ARHGAP15: variants seen among roughly 807,000 people sequenced by gnomAD.
ARHGAP15 encodes the protein rho GTPase-activating protein 15.
Under a neutral mutation model 63.7 loss-of-function variants are expected in ARHGAP15, and 51 were observed. The observed-to-expected ratio is 0.80, with a 90% confidence interval of 0.64 to 1.01. The LOEUF (loss-of-function observed/expected upper bound fraction) is 1.01, where lower values mean the gene tolerates loss of function less well. Ranked by LOEUF, ARHGAP15 falls within the 50% of genes least tolerant of loss-of-function variation. The probability of loss-of-function intolerance (pLI) is 0.00; values close to 1 mark genes in which losing one functional copy is unlikely to be tolerated. For synonymous variants in ARHGAP15, 191 were observed against 193.8 expected, an observed-to-expected ratio of 0.99 and a Z score of 0.12; for missense variants, 560 against 564.6, an observed-to-expected ratio of 0.99 and a Z score of 0.08.
chr2:143,170,892 G>T (rs148600182), intron 2 of ARHGAP15, among the ~76,000 whole-genome samples: 1 of 152,038 alleles, frequency 6.6e-6, no homozygotes, highest in Non-Finnish European at 1.5e-5. Flanking sequence ...TGAAGACTCC[G>T]TGAAGTCAGA....
chr2:143,139,163 C>A (rs1182958674), intron 1 of ARHGAP15, among the ~76,000 whole-genome samples: 1 of 152,052 alleles, frequency 6.6e-6, no homozygotes, highest in Non-Finnish European at 1.5e-5. Context: ...ATCCCATCAG[C>A]AGGTTAAACT....
In ARHGAP15 at chr2:143,365,460, G is replaced by A. The variant is rs755567219; in HGVS notation, c.475-70141G>A. ...TCTGGTGGATAGTTTGTGTGACAAT[G>A]CTGATCCCTCTATTTGCACATTGCC... On this transcript the variant is annotated intron_variant, in intron 6 of 13. Coordinates refer to ENST00000295095, the MANE Select transcript of ARHGAP15 (RefSeq NM_018460.4). Among the ~76,000 whole-genome samples the A allele has an allele frequency of 2.0e-5, 3 of 152,158 alleles. No individual in the cohort carries two copies. The East Asian group carries it at 5.8e-4, about 29-fold the overall frequency.
intron 6 of ARHGAP15, among the ~76,000 whole-genome samples, chr2:143,327,908 CAAA>C (rs201067319): frequency 1.0e-4 from 15 of 144,814 alleles, no homozygotes; most frequent in African/African-American, 2.7e-4. Flanking sequence ...ATTTACAAGA[CAAA>C]AAAAAAAAAT....
chr2:143,337,091 G>A lies in ARHGAP15; in HGVS notation c.474+86491G>A, dbSNP rs187114392. On this transcript the variant is annotated intron_variant, in intron 6 of 13. Coordinates refer to ENST00000295095, the MANE Select transcript of ARHGAP15 (RefSeq NM_018460.4). ...AGGAGGACAGAGGGAGGGAGTTTTC[G>A]GTGAGGTGGAAAGGGCAGAAGGTGG... Among the ~76,000 whole-genome samples, 25 of 152,134 alleles carry A rather than the reference G, an allele frequency of 1.6e-4. No individual in the cohort carries two copies. The East Asian group carries it at 3.3e-3, about 20-fold the overall frequency.
intron 6 of ARHGAP15, among the ~76,000 whole-genome samples, chr2:143,368,871 T>G (rs1245567357): frequency 6.6e-6 from 1 of 152,006 alleles, no homozygotes; most frequent in Non-Finnish European, 1.5e-5. Flanking sequence ...CAGTTTGCAT[T>G]GATGATTAGA....
chr2:143,411,003 C>T (rs951865571), intron 6 of ARHGAP15, among the ~76,000 whole-genome samples: 1 of 151,822 alleles, frequency 6.6e-6, no homozygotes, highest in African/African-American at 2.4e-5. Flanking sequence ...CAGGAGTTCA[C>T]GAACCAGCCT....
intron 12 of ARHGAP15, among the ~76,000 whole-genome samples, chr2:143,636,071 C>G (rs1275945274): frequency 2.0e-5 from 3 of 152,106 alleles, no homozygotes; most frequent in Admixed American, 6.6e-5. Context: ...TGGCCCCTTT[C>G]CTTTTTCTTC....
Position 143,714,222 on chromosome 2 carries a change from C to T in ARHGAP15, c.1244+10698C>T, listed in dbSNP as rs116936874. 3.9e-5 allele frequency among the ~76,000 whole-genome samples: 6 copies of T among 152,358 alleles called. No individual in the cohort carries two copies. In the East Asian group the frequency reaches 1.2e-3, roughly 29 times the overall value. On this transcript the variant is annotated intron_variant, in intron 13 of 13. Coordinates refer to ENST00000295095, the MANE Select transcript of ARHGAP15 (RefSeq NM_018460.4). ...CTTCTGTGCATCCACAGGCTCAACA[C>T]CACATAGCTGCCAAGGCTTGGGGCT...
intron 10 of ARHGAP15, among the ~76,000 whole-genome samples, chr2:143,523,296 C>T (rs999176951): frequency 6.6e-6 from 1 of 151,922 alleles, no homozygotes; most frequent in Admixed American, 6.6e-5. Flanking sequence ...AAGAACAGAC[C>T]CTACAAGACA....
intron 11 of ARHGAP15, among the ~76,000 whole-genome samples, chr2:143,595,998 A>G (rs1403184727): frequency 6.6e-6 from 1 of 152,096 alleles, no homozygotes; most frequent in Non-Finnish European, 1.5e-5. Context: ...CAGTGAAGGT[A>G]CCATCTTGGT....
At chr2:143,274,985 A>T (rs1681471801) in intron 6 of ARHGAP15, among the ~76,000 whole-genome samples, 1 of 149,446 alleles carries the variant, frequency 6.7e-6, no homozygotes, top group Non-Finnish European at 1.5e-5. Context: ...ACATGGTGAA[A>T]CCCCATCTCT....
At chr2:143,533,289 G>A (rs938110513) in intron 10 of ARHGAP15, 2 of 152,114 alleles carry the variant, frequency 1.3e-5, no homozygotes, top group Non-Finnish European at 2.9e-5. Flanking sequence ...CTGAAACCCC[G>A]AAAACAAGAG....
At chr2:143,323,747 C>T (rs1046693763) in intron 6 of ARHGAP15, among the ~76,000 whole-genome samples, 2 of 151,344 alleles carry the variant, frequency 1.3e-5, no homozygotes, top group African/African-American at 4.9e-5. Flanking sequence ...ATCAGCCGGG[C>T]GTTGTGGCGG....
Position 143,228,587 on chromosome 2 carries a change from CT to C in ARHGAP15, c.304del (p.Trp102GlyfsTer27). 1 of 1,602,780 alleles carries C rather than the reference CT, an allele frequency of 6.2e-7. No homozygotes were observed. The highest frequency in any genetic ancestry group is 8.5e-7 in the Non-Finnish European group (1 of 1,174,660). On this transcript the variant is annotated frameshift_variant, in exon 5 of 14. Coordinates refer to ENST00000295095, the MANE Select transcript of ARHGAP15 (RefSeq NM_018460.4). LOFTEE classifies it high-confidence loss of function. ...ADGGKKLRKN[W>X]STSWIVLSSR... ...TTTATTTTTTTGTCCTAAGGAAAAA[CT>C]GGTCTACTTCCTGGATTGTTCTTTC...
chr2:143,321,239 A>G (rs939861075), intron 6 of ARHGAP15, among the ~76,000 whole-genome samples: 2 of 152,236 alleles, frequency 1.3e-5, no homozygotes, highest in Non-Finnish European at 2.9e-5. Flanking sequence ...ATATAAACAC[A>G]TGGTAACTGC....
intron 5 of ARHGAP15, 130 bp downstream of exon 5, chr2:143,228,798 C>T (rs1693324998): frequency 5.1e-6 from 3 of 582,898 alleles, no homozygotes. Flanking sequence ...GAGAAAATGA[C>T]TCAATAAACT....
At chr2:143,534,913 T>C (rs553364972) in intron 10 of ARHGAP15, among the ~76,000 whole-genome samples, 1 of 151,872 alleles carries the variant, frequency 6.6e-6, no homozygotes, top group Admixed American at 6.6e-5. Flanking sequence ...CAAAAAAACC[T>C]ATATGAATTT....
chr2:143,266,246 G>A (rs1223562103), intron 6 of ARHGAP15, among the ~76,000 whole-genome samples: 1 of 151,908 alleles, frequency 6.6e-6, no homozygotes, highest in Non-Finnish European at 1.5e-5. Context: ...CATATAAAAT[G>A]CCCTTTTGAT....
At chr2:143,220,324 G>A (rs908537249) in intron 4 of ARHGAP15, among the ~76,000 whole-genome samples, 4 of 151,986 alleles carry the variant, frequency 2.6e-5, no homozygotes, top group African/African-American at 7.2e-5. Context: ...CACCTTATGC[G>A]GGGATAAATG....
Sources: allele counts gnomAD v4.1 joint callset (sites outside exome capture counted in the v4.1 genomes callset), GRCh38; gene constraint gnomAD v4.1.1; transcripts MANE v1.5; gene names NCBI Gene and HGNC (gene_info 2026-07-23, HGNC 2026-07-21).